CLSTN2: variants seen among roughly 807,000 people sequenced by gnomAD.
The protein encoded by CLSTN2 is calsyntenin-2.
A neutral mutation model predicts 101.2 loss-of-function variants in CLSTN2; 48 were observed. The observed-to-expected ratio is 0.47, with a 90% CI of 0.38 to 0.60. The LOEUF (loss-of-function observed/expected upper bound fraction) is 0.60. Among genes scored for constraint, CLSTN2 ranks in the 20% least tolerant of loss-of-function variants. The pLI is 0.00. For synonymous variants in CLSTN2, 481 were observed against 463.6 expected, an observed-to-expected ratio of 1.04 and a Z score of -0.48; for missense variants, 1,160 against 1,238.2, an observed-to-expected ratio of 0.94 and a Z score of 0.95.
intron 2 of CLSTN2, among the ~76,000 whole-genome samples, chr3:140,354,465 C>T (rs2087643034): frequency 6.6e-6 from 1 of 152,202 alleles, no homozygotes; most frequent in African/African-American, 2.4e-5. Flanking sequence ...ATTTCTGTGT[C>T]ACTCCATTCA....
intron 2 of CLSTN2, among the ~76,000 whole-genome samples, chr3:140,344,360 G>A (rs527367106): frequency 4.1e-4 from 62 of 152,334 alleles, no homozygotes; most frequent in Non-Finnish European, 5.4e-4. Flanking sequence ...CTGTGCTCAC[G>A]TCATGTCCGT....
Position 140,099,928 on chromosome 3 carries a change from C to G in CLSTN2, c.110-76023C>G, listed in dbSNP as rs559367676. Among the ~76,000 whole-genome samples, 282 of 152,282 alleles carry G rather than the reference C, an allele frequency of 1.9e-3. 1 individual carries two copies. Among genetic ancestry groups the G allele is most frequent in the Middle Eastern group, 6.8e-3 (2 of 294 alleles). On this transcript the variant is annotated intron_variant, in intron 1 of 16. Coordinates refer to ENST00000458420, the MANE Select transcript of CLSTN2 (RefSeq NM_022131.3). ...TGTTCCTGAGGCAGCAGCACATGCC[C>G]TCATGACCTACTTTCTCTGGCAGTG... is the stretch of plus-strand genomic sequence containing the variant.
Position 140,307,814 on chromosome 3 carries a change from G to A in CLSTN2, c.233-95815G>A, listed in dbSNP as rs115417076. Among the ~76,000 whole-genome samples, 187 of 152,258 alleles carry A rather than the reference G, an allele frequency of 1.2e-3. 2 individuals carry two copies. The highest frequency in any genetic ancestry group is 4.3e-3 in the African/African-American group (179 of 41,548). On this transcript the variant is annotated intron_variant, in intron 2 of 16. Coordinates refer to ENST00000458420, the MANE Select transcript of CLSTN2 (RefSeq NM_022131.3). ...GAGCAGAGGAGTCTGAGTCATTTCT[G>A]CTCTTTAAGGCTTCTGGTATATTAA...
At chr3:139,955,139 T>TATATATATATATATATATATATATA (rs1935370868) in intron 1 of CLSTN2, among the ~76,000 whole-genome samples, 1 of 139,860 alleles carries the variant, frequency 7.2e-6, no homozygotes, top group Non-Finnish European at 1.5e-5. Flanking sequence ...TATATATATA[T>TATATATATATATATATATATATATA]GGCAATTCCA....
In CLSTN2 at chr3:140,132,139, A is replaced by T. The variant is rs534333128; in HGVS notation, c.110-43812A>T. Reference sequence around the variant, plus strand: ...ATTATGATACATATCGCTATTCTGCATGGCAGGCTCACATAACTCATGTTG... The same window carrying T: ...ATTATGATACATATCGCTATTCTGCTTGGCAGGCTCACATAACTCATGTTG... On this transcript the variant is annotated intron_variant, in intron 1 of 16. Coordinates refer to ENST00000458420, the MANE Select transcript of CLSTN2 (RefSeq NM_022131.3). 5.3e-5 allele frequency among the ~76,000 whole-genome samples: 8 copies of T among 152,312 alleles called. No homozygotes were observed. The East Asian group carries it at 1.2e-3, about 22-fold the overall frequency.
chr3:140,391,522 T>A lies in CLSTN2; in HGVS notation c.233-12107T>A, dbSNP rs147151150. On this transcript the variant is annotated intron_variant, in intron 2 of 16. Transcript: ENST00000458420. ...ATTTCATTTAAACATGTGCAGTACA[T>A]GACATTTTATATGAATTTGAATTAT... Among the ~76,000 whole-genome samples, 234 of 152,282 alleles carry A rather than the reference T, an allele frequency of 1.5e-3. 1 individual carries two copies. The highest frequency in any genetic ancestry group is 5.0e-3 in the East Asian group (26 of 5,178).
intron 1 of CLSTN2, among the ~76,000 whole-genome samples, chr3:140,122,589 G>C (rs948504115): frequency 1.4e-4 from 22 of 152,120 alleles, no homozygotes; most frequent in African/African-American, 4.8e-4. Flanking sequence ...CCCCTAATGG[G>C]CTGGAAATGC....
chr3:140,288,829 A>G (rs1485558269), intron 2 of CLSTN2, among the ~76,000 whole-genome samples: 1 of 152,182 alleles, frequency 6.6e-6, no homozygotes, highest in African/African-American at 2.4e-5. Flanking sequence ...CAACTGATTC[A>G]TAGCAGCCTG....
intron 2 of CLSTN2, among the ~76,000 whole-genome samples, chr3:140,365,074 C>T (rs1263838773): frequency 6.6e-6 from 1 of 152,116 alleles, no homozygotes; most frequent in Non-Finnish European, 1.5e-5. Context: ...CCAGCAGAGA[C>T]CTGAACAATG....
intron 1 of CLSTN2, among the ~76,000 whole-genome samples, chr3:140,118,727 T>C (rs1305964821): frequency 6.6e-6 from 1 of 152,196 alleles, no homozygotes; most frequent in Non-Finnish European, 1.5e-5. Flanking sequence ...TTACAGATAC[T>C]GGAAAAGTTA....
At chr3:140,420,954 T>C (rs1380997280) in intron 4 of CLSTN2, among the ~76,000 whole-genome samples, 171 bp from the exon 5 acceptor site, 2 of 152,246 alleles carry the variant, frequency 1.3e-5, no homozygotes, top group East Asian at 1.9e-4. Context: ...CACCAAAGCA[T>C]AAGCACGCTA....
chr3:140,069,524 G>A (rs1455659210), intron 1 of CLSTN2, among the ~76,000 whole-genome samples: 1 of 152,194 alleles, frequency 6.6e-6, no homozygotes, highest in Non-Finnish European at 1.5e-5. Context: ...AAGTAAGTAT[G>A]ACCCTTCCAT....
intron 5 of CLSTN2, among the ~76,000 whole-genome samples, chr3:140,446,005 G>A (rs1933068431): frequency 8.5e-6 from 1 of 118,230 alleles, no homozygotes; most frequent in Non-Finnish European, 1.6e-5. Context: ...GGAGGAGGTG[G>A]CAAGAGGGAT....
chr3:140,357,091 A>T (rs2087678895), intron 2 of CLSTN2, among the ~76,000 whole-genome samples: 1 of 152,218 alleles, frequency 6.6e-6, no homozygotes, highest in South Asian at 2.1e-4. Context: ...AACCATTGTG[A>T]GTCTTGAGCA....
At chr3:140,181,217 T>G (rs1438635474) in intron 2 of CLSTN2, among the ~76,000 whole-genome samples, 1 of 152,232 alleles carries the variant, frequency 6.6e-6, no homozygotes, top group Non-Finnish European at 1.5e-5. Flanking sequence ...TACCCACTCC[T>G]GGTGTTAATA....
At chr3:140,145,623 G>A (rs1576444575) in intron 1 of CLSTN2, among the ~76,000 whole-genome samples, 2 of 152,240 alleles carry the variant, frequency 1.3e-5, no homozygotes, top group South Asian at 2.1e-4. Flanking sequence ...GCCAAGGCTT[G>A]TTGTGCTTAA....
intron 1 of CLSTN2, among the ~76,000 whole-genome samples, chr3:140,120,253 A>G (rs2009317525): frequency 6.6e-6 from 1 of 152,134 alleles, no homozygotes; most frequent in Admixed American, 6.5e-5. Context: ...CCCTCTTTGG[A>G]TGCCGTTAAT....
Position 140,566,111 on chromosome 3 carries a change from C to A in CLSTN2, c.2726C>A (p.Ala909Asp), listed in dbSNP as rs1416573055. Residue 909 changes from alanine to aspartate, a missense_variant, in exon 17 of 17, where the codon GCC (alanine) becomes GAC (aspartate). Physicochemically the swap from Ala to Asp is moderately radical, Grantham distance 126. Coordinates refer to ENST00000458420, the MANE Select transcript of CLSTN2 (RefSeq NM_022131.3). ...ACTGAGGGAGAAGAGGAGGAAGAAGCCGAGGAAGAAATGAGCTCCAGCAGT... is the reference window on the plus strand; with the variant it reads ...ACTGAGGGAGAAGAGGAGGAAGAAGACGAGGAAGAAATGAGCTCCAGCAGT... The part of the protein sequence containing the change: ...DETEGEEEEE[A>D]EEEMSSSSGS... 4 of 1,611,060 alleles carry A rather than the reference C, an allele frequency of 2.5e-6. No homozygotes were observed. Among genetic ancestry groups the A allele is most frequent in the Non-Finnish European group, 3.4e-6 (4 of 1,177,488 alleles).
At chr3:140,311,583 G>A (rs1490621430) in intron 2 of CLSTN2, among the ~76,000 whole-genome samples, 1 of 151,556 alleles carries the variant, frequency 6.6e-6, no homozygotes, top group Admixed American at 6.6e-5. Flanking sequence ...TGTGATGACA[G>A]GCGTGAGCCA....
Sources: gnomAD v4.1 joint callset for allele counts (sites outside exome capture counted in the v4.1 genomes callset) on GRCh38, gnomAD v4.1.1 for gene constraint, MANE v1.5 for transcripts, NCBI Gene and HGNC (gene_info 2026-07-23, HGNC 2026-07-21) for gene names.